The following ITPKB variants were observed in gnomAD, a reference collection of about 807,000 sequenced individuals.
ITPKB encodes IP3 3-kinase B.
A neutral mutation model predicts 69.4 loss-of-function variants in ITPKB; 13 were observed. The ratio of observed to expected loss-of-function variants is 0.19; its 90% CI spans 0.12 to 0.30. The LOEUF (loss-of-function observed/expected upper bound fraction) is 0.30, where lower values mean the gene tolerates loss of function less well. Among genes scored for constraint, ITPKB ranks in the 10% least tolerant of loss-of-function variants. ITPKB has a pLI of 1.00. For synonymous variants in ITPKB, 584 were observed against 513.7 expected, an observed-to-expected ratio of 1.14 and a Z score of -1.85; for missense variants, 1,240 against 1,250.5, an observed-to-expected ratio of 0.99 and a Z score of 0.13.
At chr1:226,643,643 T>C (rs1669007128) in intron 4 of ITPKB, among the ~76,000 whole-genome samples, 2 of 152,192 alleles carry the variant, frequency 1.3e-5, no homozygotes, top group Non-Finnish European at 2.9e-5. Context: ...AACCACTGTA[T>C]TAATTGAAAT....
rs771863706 is a variant in ITPKB at position 226,736,297 on chromosome 1, C to T, written c.1162G>A (p.Glu388Lys). 1.2e-6 allele frequency: 2 copies of T among 1,605,648 alleles called. No homozygotes were observed. Among genetic ancestry groups the T allele is most frequent in the Non-Finnish European group, 1.7e-6 (2 of 1,176,846 alleles). The part of the protein sequence containing the change: ...PCGMPGSGEP[E>K]VGKRPEETTV... ...GTCTCCTCTGGCCTTTTGCCCACTT[C>T]AGGCTCCCCAGAGCCCGGCATGCCA... Residue 388 changes from glutamate to lysine, a missense_variant, in exon 2 of 8, where the codon GAA (glutamate) becomes AAA (lysine). Coordinates refer to ENST00000429204, the MANE Select transcript of ITPKB (RefSeq NM_002221.4).
intron 2 of ITPKB, among the ~76,000 whole-genome samples, chr1:226,711,089 T>C (rs897402345): frequency 2.0e-5 from 3 of 152,156 alleles, no homozygotes; most frequent in Non-Finnish European, 4.4e-5. Context: ...GACATTCTTA[T>C]TAAGAAAGAA....
chr1:226,673,539 C>T (rs1482480395), intron 2 of ITPKB, among the ~76,000 whole-genome samples: 1 of 152,172 alleles, frequency 6.6e-6, no homozygotes, highest in East Asian at 1.9e-4. Flanking sequence ...CACCAAATCC[C>T]AACCTGCAGC....
intron 2 of ITPKB, among the ~76,000 whole-genome samples, chr1:226,659,060 G>A (rs1669351861): frequency 6.6e-6 from 1 of 152,134 alleles, no homozygotes; most frequent in Non-Finnish European, 1.5e-5. Context: ...TCTTTTTGAG[G>A]GACGCCACCA....
intron 2 of ITPKB, among the ~76,000 whole-genome samples, chr1:226,716,870 C>A (rs1412390020): frequency 6.6e-6 from 1 of 152,146 alleles, no homozygotes; most frequent in East Asian, 1.9e-4. Context: ...AATCCTCTGC[C>A]CATTTTCCAA....
chr1:226,729,505 T>C (rs753007527), intron 2 of ITPKB, among the ~76,000 whole-genome samples: 4 of 134,858 alleles, frequency 3.0e-5, no homozygotes, highest in African/African-American at 5.6e-5. Context: ...AAAAAGGAAA[T>C]GAGCTCTAAA....
intron 2 of ITPKB, among the ~76,000 whole-genome samples, chr1:226,722,678 G>T (rs972615960): frequency 6.9e-6 from 1 of 145,750 alleles, no homozygotes; most frequent in Non-Finnish European, 1.5e-5. Context: ...AGCTCCTTTC[G>T]TGGTTTCAAT....
intron 2 of ITPKB, among the ~76,000 whole-genome samples, chr1:226,724,114 TGA>T (rs887371945): frequency 2.6e-5 from 4 of 151,520 alleles, no homozygotes; most frequent in Non-Finnish European, 5.9e-5. Context: ...CAGCACCCCC[TGA>T]GAGAGGCTCA....
At position 226,692,584 on chromosome 1, in the gene ITPKB, C is replaced by T. The variant is rs958101603; in HGVS notation, c.1932+42943G>A. Among the ~76,000 whole-genome samples, 7 of 152,184 alleles carry T rather than the reference C, an allele frequency of 4.6e-5. No homozygotes were observed. The East Asian group carries it at 7.7e-4, about 17-fold the overall frequency. On this transcript the variant is annotated intron_variant, in intron 2 of 7. Transcript: ENST00000429204. ...CTGCCACAGAACAGCTGACGCTAAA[C>T]TTGGGCTCCAAAGCCTCTGTCTTCC...
intron 2 of ITPKB, among the ~76,000 whole-genome samples, chr1:226,657,717 C>T (rs1482282196): frequency 1.3e-5 from 2 of 152,200 alleles, no homozygotes; most frequent in Non-Finnish European, 2.9e-5. Flanking sequence ...AATGATGAAA[C>T]ATGTTGAGAG....
chr1:226,671,733 T>C (rs1049293447), intron 2 of ITPKB, among the ~76,000 whole-genome samples: 4 of 152,092 alleles, frequency 2.6e-5, no homozygotes, highest in African/African-American at 9.7e-5. Flanking sequence ...GGCTGAGCCA[T>C]ACACAGGCAG....
Position 226,637,634 on chromosome 1 carries a change from G to T in ITPKB, c.2625+45C>A. ...GGAAGGAGAAGGAGAAGGCCTGTTGGCACGCGCAGCATTCTGCTCAAGAGG... is the reference window on the plus strand; with the variant it reads ...GGAAGGAGAAGGAGAAGGCCTGTTGTCACGCGCAGCATTCTGCTCAAGAGG... On this transcript the variant is annotated intron_variant, in intron 7 of 7. Transcript: ENST00000429204. This position sits in a 1 kb window ranked among gnomAD's most constrained non-coding sequence, Gnocchi z 4.3. 1 of 1,454,100 alleles carries T rather than the reference G, an allele frequency of 6.9e-7. No individual in the cohort carries two copies. Among genetic ancestry groups the T allele is most frequent in the Non-Finnish European group, 9.6e-7 (1 of 1,036,308 alleles). The allele number at this position is 1,454,100 out of a possible 1,614,324, so 90.1% of individuals were successfully genotyped here.
intron 2 of ITPKB, among the ~76,000 whole-genome samples, chr1:226,712,698 C>T (rs1401140648): frequency 6.6e-6 from 1 of 152,154 alleles, no homozygotes; most frequent in Admixed American, 6.5e-5. Flanking sequence ...CATTAAGGCT[C>T]CTCTTAAATT....
intron 2 of ITPKB, among the ~76,000 whole-genome samples, chr1:226,651,866 C>G (rs925454541): frequency 6.6e-6 from 1 of 152,194 alleles, no homozygotes; most frequent in Non-Finnish European, 1.5e-5. Flanking sequence ...CCAAACCAGG[C>G]ACCTTTACCG....
At chr1:226,733,403 A>G (rs1349702695) in intron 2 of ITPKB, among the ~76,000 whole-genome samples, 1 of 152,170 alleles carries the variant, frequency 6.6e-6, no homozygotes, top group African/African-American at 2.4e-5. Context: ...ATTGCAGGTA[A>G]TCAAGTGATT....
chr1:226,649,605 G>A (rs957733997), intron 2 of ITPKB, among the ~76,000 whole-genome samples: 7 of 152,232 alleles, frequency 4.6e-5, no homozygotes, highest in African/African-American at 1.4e-4. Flanking sequence ...GTGCGTGCAT[G>A]TGTGTTTGGG....
intron 2 of ITPKB, among the ~76,000 whole-genome samples, chr1:226,718,011 T>C (rs1042113343): frequency 6.6e-6 from 1 of 152,188 alleles, no homozygotes; most frequent in African/African-American, 2.4e-5. Context: ...GAAAAGCAAG[T>C]TGGCCGGGCG....
Position 226,736,325 on chromosome 1 carries a change from G to C in ITPKB, c.1134C>G (p.Pro378=). 1 of 1,612,030 alleles carries C rather than the reference G, an allele frequency of 6.2e-7. No individual in the cohort carries two copies. The highest frequency in any genetic ancestry group is 1.1e-5 in the South Asian group (1 of 90,944). Residue 378 remains proline (P), a synonymous_variant, in exon 2 of 8, where the codon CCC becomes CCG. Transcript: ENST00000429204. The part of the protein sequence containing the change: ...PPGKMGKGYL[P]CGMPGSGEPE... Reference sequence around the variant, plus strand: ...GCTCCCCAGAGCCCGGCATGCCACAGGGCAGATATCCTTTCCCCATCTTCC... The same window carrying C: ...GCTCCCCAGAGCCCGGCATGCCACACGGCAGATATCCTTTCCCCATCTTCC...
chr1:226,692,936 T>C (rs768226643), intron 2 of ITPKB, among the ~76,000 whole-genome samples: 2 of 152,240 alleles, frequency 1.3e-5, no homozygotes, highest in Non-Finnish European at 2.9e-5. Flanking sequence ...TCTCAACATC[T>C]GGCTCCTAAG....
Sources: gnomAD v4.1 joint callset for allele counts (sites outside exome capture counted in the v4.1 genomes callset) on GRCh38, gnomAD v4.1.1 for gene constraint, Gnocchi (gnomAD v3.1) non-coding constraint, MANE v1.5 for transcripts, NCBI Gene and HGNC (gene_info 2026-07-23, HGNC 2026-07-21) for gene names.